POLH: variants seen among roughly 807,000 people sequenced by gnomAD.
The protein encoded by POLH is DNA polymerase eta transcript.
In POLH, 53 loss-of-function variants were observed where a neutral mutation model predicts 73.6. The observed-to-expected ratio is 0.72, with a 90% confidence interval of 0.58 to 0.91. POLH has a LOEUF of 0.91. Among genes scored for constraint, POLH ranks in the 40% least tolerant of loss-of-function variants. POLH has a pLI of 0.00. For synonymous variants in POLH, 292 were observed against 308.5 expected, an observed-to-expected ratio of 0.95 and a Z score of 0.56; for missense variants, 768 against 865.4, an observed-to-expected ratio of 0.89 and a Z score of 1.41.
chr6:43,618,658 G>A lies in POLH; in HGVS notation c.*4101G>A, dbSNP rs1341316366. 1.3e-5 allele frequency among the ~76,000 whole-genome samples: 2 copies of A among 151,988 alleles called. No homozygotes were observed. The highest frequency in any genetic ancestry group is 4.8e-5 in the African/African-American group (2 of 41,378). Reference sequence around the variant, plus strand: ...AACTTCTATTTTTTTATGTGACGGAGTTTCTCTCATCGCCCCGGCTGGAAT... The same window carrying A: ...AACTTCTATTTTTTTATGTGACGGAATTTCTCTCATCGCCCCGGCTGGAAT... On this transcript the variant is annotated 3_prime_UTR_variant, in exon 11 of 11. Coordinates refer to ENST00000372236, the MANE Select transcript of POLH (RefSeq NM_006502.3).
intron 4 of POLH, among the ~76,000 whole-genome samples, chr6:43,596,206 A>G (rs1400815790): frequency 6.6e-6 from 1 of 152,144 alleles, no homozygotes; most frequent in Non-Finnish European, 1.5e-5. Flanking sequence ...AGAGCTTGCC[A>G]GGCGCGGTGG....
intron 1 of POLH, 99 bp from the exon 2 acceptor site, chr6:43,582,217 T>G: frequency 9.1e-7 from 1 of 1,095,504 alleles, no homozygotes; most frequent in Middle Eastern, 2.0e-4. Context: ...CATGCTCCCA[T>G]GCTCATGGTA....
At chr6:43,589,175 T>C (rs1267481772) in intron 4 of POLH, among the ~76,000 whole-genome samples, 2 of 152,108 alleles carry the variant, frequency 1.3e-5, no homozygotes, top group Non-Finnish European at 2.9e-5. Flanking sequence ...GTAATGACCT[T>C]AGAGATGTGT....
At chr6:43,581,637 C>T (rs1470105421) in intron 1 of POLH, among the ~76,000 whole-genome samples, 1 of 143,066 alleles carries the variant, frequency 7.0e-6, no homozygotes, top group Non-Finnish European at 1.5e-5. Context: ...AAGACTGAGA[C>T]AGCTCTGCTG....
intron 9 of POLH, among the ~76,000 whole-genome samples, chr6:43,607,380 A>C (rs939095381): frequency 1.3e-5 from 2 of 152,256 alleles, no homozygotes; most frequent in Non-Finnish European, 2.9e-5. Context: ...GGCGTGAGCC[A>C]CTGCGCCCGG....
At chr6:43,599,891 G>C (rs542425625) in intron 5 of POLH, among the ~76,000 whole-genome samples, 2 of 152,066 alleles carry the variant, frequency 1.3e-5, no homozygotes, top group East Asian at 3.9e-4. Context: ...GAGTGCGGTG[G>C]CTCACACCTG....
intron 2 of POLH, 34 bp from the exon 3 acceptor site, chr6:43,582,973 T>C: frequency 6.3e-7 from 1 of 1,589,126 alleles, no homozygotes; most frequent in Non-Finnish European, 8.6e-7. Flanking sequence ...GATCATATAA[T>C]ATGTTTTCTG....
rs528517695 is a variant in POLH at position 43,613,952 on chromosome 6, C to T, written c.1537C>T (p.Pro513Ser). 2.1e-5 allele frequency: 34 copies of T among 1,614,016 alleles called. 1 individual carries two copies. The South Asian group carries it at 3.0e-4, about 14-fold the overall frequency. Residue 513 changes from proline to serine, a missense_variant, in exon 11 of 11, where the codon CCA becomes TCA. Transcript: ENST00000372236. ...CACTCAGGCTCCCATGAGCAATTCA[C>T]CATCCAAGCCCTCATTACCTTTTCA... ...APTQAPMSNS[P>S]SKPSLPFQTS...
intron 4 of POLH, among the ~76,000 whole-genome samples, chr6:43,587,977 G>A (rs1765012200): frequency 2.0e-5 from 3 of 152,018 alleles, no homozygotes; most frequent in Admixed American, 2.0e-4. Flanking sequence ...AGATTGAGGT[G>A]AGCCGAGATC....
rs1561919207 is a variant in POLH at position 43,618,776 on chromosome 6, A to G, written c.*4219A>G. ...CTCCTGAGTAGCTGGGATTATAGGCATGCACCATCACGCCTGGCTAATTTT... is the reference window on the plus strand; with the variant it reads ...CTCCTGAGTAGCTGGGATTATAGGCGTGCACCATCACGCCTGGCTAATTTT... On this transcript the variant is annotated 3_prime_UTR_variant, in exon 11 of 11. Transcript: ENST00000372236. Among the ~76,000 whole-genome samples the G allele has an allele frequency of 6.6e-6, 1 of 151,940 alleles. No individual in the cohort carries two copies. Among genetic ancestry groups the G allele is most frequent in the Non-Finnish European group, 1.5e-5 (1 of 67,976 alleles).
intron 3 of POLH, among the ~76,000 whole-genome samples, chr6:43,585,567 G>A (rs1412431753): frequency 1.3e-5 from 2 of 151,790 alleles, no homozygotes; most frequent in Non-Finnish European, 2.9e-5. Context: ...GATGAAGACC[G>A]AATATATATT....
intron 4 of POLH, among the ~76,000 whole-genome samples, chr6:43,595,290 C>T (rs1430510164): frequency 1.3e-5 from 2 of 151,938 alleles, no homozygotes; most frequent in African/African-American, 4.8e-5. Flanking sequence ...ACCACCACGC[C>T]TGGCTAATTT....
rs1273381104 is a variant in POLH at position 43,601,035 on chromosome 6, C to T, written c.708C>T (p.Thr236=). ...ACGLNKPNRQ[T]LVSHGSVPQL... ...GACTAAACAAGCCCAACCGCCAAAC[C>T]CTGGTTTCACATGGGTCAGTCCCAC... The change falls in exon 6 of 11, where the codon ACC becomes ACT. Residue 236 remains threonine, a synonymous_variant. Coordinates refer to ENST00000372236, the MANE Select transcript of POLH (RefSeq NM_006502.3). 1.9e-6 allele frequency: 3 copies of T among 1,614,154 alleles called. No individual in the cohort carries two copies. The highest frequency in any genetic ancestry group is 2.2e-5 in the East Asian group (1 of 44,890).
At position 43,603,938 on chromosome 6, in the gene POLH, G is replaced by C. The variant is rs1000073215; in HGVS notation, c.811G>C (p.Gly271Arg). The stretch of plus-strand genomic sequence containing the variant: ...AGGGGCCTCTGTCATTGAGATCCTA[G>C]GGATAGAATACATGGGTGAACTGAC... The part of the protein sequence containing the change: ...KLGASVIEIL[G>R]IEYMGELTQF... Residue 271 changes from glycine (G) to arginine (R), a missense_variant, in exon 7 of 11, where the codon GGG becomes CGG. Coordinates refer to ENST00000372236, the MANE Select transcript of POLH (RefSeq NM_006502.3). The C allele has an allele frequency of 6.2e-7, 1 of 1,612,734 alleles. No homozygotes were observed. Among genetic ancestry groups the C allele is most frequent in the African/African-American group, 1.3e-5 (1 of 74,882 alleles).
At position 43,613,983 on chromosome 6, in the gene POLH, G is replaced by C. The variant is rs1273407528; in HGVS notation, c.1568G>C (p.Ser523Thr). The stretch of plus-strand genomic sequence containing the variant: ...AAGCCCTCATTACCTTTTCAAACCA[G>C]TCAAAGTACAGGAACTGAGCCCTTC... ...PSKPSLPFQTSQSTGTEPFFK... is the reference protein window; with the variant it reads ...PSKPSLPFQTTQSTGTEPFFK... The change falls in exon 11 of 11, where the codon AGT becomes ACT. Residue 523 changes from serine to threonine, a missense_variant. Ser to Thr is a moderately conservative substitution (Grantham distance 58). Transcript: ENST00000372236. 3.7e-6 allele frequency: 6 copies of C among 1,613,966 alleles called. No homozygotes were observed. Among genetic ancestry groups the C allele is most frequent in the Non-Finnish European group, 5.1e-6 (6 of 1,180,054 alleles).
chr6:43,583,211 G>C, intron 3 of POLH, 70 bp downstream of exon 3: 1 of 1,421,092 alleles, frequency 7.0e-7, no homozygotes, highest in South Asian at 1.2e-5. Context: ...CTAGGAACTG[G>C]TGTTTTGAAT....
chr6:43,589,255 G>T (rs1765183152), intron 4 of POLH, among the ~76,000 whole-genome samples: 1 of 152,160 alleles, frequency 6.6e-6, no homozygotes, highest in South Asian at 2.1e-4. Flanking sequence ...CCATGATATG[G>T]ATCCACCATG....
At chr6:43,583,285 G>A in intron 3 of POLH, 144 bp downstream of exon 3, 1 of 742,654 alleles carries the variant, frequency 1.3e-6, no homozygotes, top group Middle Eastern at 2.8e-4. Flanking sequence ...TCTGTGAAAT[G>A]AAAAACAGAT....
In POLH at chr6:43,617,695, T is replaced by C. The variant is rs1387142381; in HGVS notation, c.*3138T>C. ...CTGTAATCCCAGCACTTTGGGAGGC[T>C]GAGGTGGGTGTATCACGAGGTCAAG... On this transcript the variant is annotated 3_prime_UTR_variant, in exon 11 of 11. Coordinates refer to ENST00000372236, the MANE Select transcript of POLH (RefSeq NM_006502.3). 6.6e-6 allele frequency among the ~76,000 whole-genome samples: 1 copy of C among 151,968 alleles called. No homozygotes were observed. The highest frequency in any genetic ancestry group is 1.5e-5 in the Non-Finnish European group (1 of 67,998).
Sources: allele counts gnomAD v4.1 joint callset (sites outside exome capture counted in the v4.1 genomes callset), GRCh38; gene constraint gnomAD v4.1.1; transcripts MANE v1.5; gene names NCBI Gene and HGNC (gene_info 2026-07-23, HGNC 2026-07-21).